The following MAGI3 variants were observed in gnomAD, a reference collection of about 807,000 sequenced individuals.
The protein encoded by MAGI3 is membrane associated guanylate kinase, WW and PDZ domain containing 3.
A neutral mutation model predicts 121.8 loss-of-function variants in MAGI3; 43 were observed. That is an observed-to-expected ratio of 0.35 (90% CI 0.28 to 0.46). The LOEUF (loss-of-function observed/expected upper bound fraction) is 0.46, where lower values mean the gene tolerates loss of function less well. MAGI3 is among the 20% of genes least tolerant of loss of function. The pLI is 1.00. For missense variants in MAGI3, 1,547 were observed against 1,797.3 expected (o/e 0.86, Z 2.52); for synonymous variants, 553 against 639.3 (o/e 0.86, Z 2.04).
chr1:113,549,713 G>C (rs749994203), intron 2 of MAGI3, 82 bp downstream of exon 2: 14 of 660,318 alleles, frequency 2.1e-5, no homozygotes, highest in Non-Finnish European at 3.2e-5. Context: ...GTTTGATGGA[G>C]TATTTCACAT....
intron 1 of MAGI3, among the ~76,000 whole-genome samples, chr1:113,437,757 A>C (rs1164056349): frequency 4.8e-4 from 52 of 108,854 alleles, no homozygotes; most frequent in South Asian, 3.1e-4. Context: ...CTTCTTCTTC[A>C]TTTTTCTTTC....
At chr1:113,567,184 A>T (rs1267296598) in intron 2 of MAGI3, among the ~76,000 whole-genome samples, 2 of 152,074 alleles carry the variant, frequency 1.3e-5, no homozygotes, top group Non-Finnish European at 1.5e-5. Context: ...TGGATGATCT[A>T]GAAGAAATGG....
chr1:113,561,688 C>CAAAAG (rs1172707394), intron 2 of MAGI3, among the ~76,000 whole-genome samples: 3 of 152,146 alleles, frequency 2.0e-5, no homozygotes, highest in Non-Finnish European at 2.9e-5. Context: ...GAACCATTCC[C>CAAAAG]CTTGAAAACC....
At position 113,552,636 on chromosome 1, in the gene MAGI3, C is replaced by T. The variant is rs555790884; in HGVS notation, c.433+3005C>T. Among the ~76,000 whole-genome samples, 5 of 152,070 alleles carry T rather than the reference C, an allele frequency of 3.3e-5. No individual in the cohort carries two copies. In the South Asian group the frequency reaches 8.3e-4, roughly 25 times the overall value. On this transcript the variant is annotated intron_variant, in intron 2 of 20. Transcript: ENST00000307546. Reference sequence around the variant, plus strand: ...AAGTTTTTCTTTTAATTTTATTGTTCCAGTTTTGCAGTTTCCTCAGTGTGA... The same window carrying T: ...AAGTTTTTCTTTTAATTTTATTGTTTCAGTTTTGCAGTTTCCTCAGTGTGA...
At position 113,414,887 on chromosome 1, in the gene MAGI3, T is replaced by G. The variant is rs376584834; in HGVS notation, c.316+23538T>G. ...TAAAGCAGATTTAAATAAATGATGCTTATGTGTAAGACACTGCTGGATATT... is the reference window on the plus strand; with the variant it reads ...TAAAGCAGATTTAAATAAATGATGCGTATGTGTAAGACACTGCTGGATATT... On this transcript the variant is annotated intron_variant, in intron 1 of 20. Coordinates refer to ENST00000307546, the MANE Select transcript of MAGI3 (RefSeq NM_001142782.2). Among the ~76,000 whole-genome samples, 4 of 152,238 alleles carry G rather than the reference T, an allele frequency of 2.6e-5. No homozygotes were observed. The East Asian group carries it at 5.8e-4, about 22-fold the overall frequency.
At chr1:113,550,254 CAA>C (rs200738964) in intron 2 of MAGI3, among the ~76,000 whole-genome samples, 1 of 136,922 alleles carries the variant, frequency 7.3e-6, no homozygotes, top group Non-Finnish European at 1.6e-5. Flanking sequence ...ACTAAAAATA[CAA>C]AAAAAAAAAA....
chr1:113,651,309 C>T (rs1209555446), intron 14 of MAGI3, 103 bp downstream of exon 14: 2 of 1,077,262 alleles, frequency 1.9e-6, no homozygotes, highest in Non-Finnish European at 2.6e-6. Context: ...TCAGTAGTAT[C>T]TAAGATAACC....
At chr1:113,486,363 T>C (rs566200250) in intron 1 of MAGI3, among the ~76,000 whole-genome samples, 1 of 152,316 alleles carries the variant, frequency 6.6e-6, no homozygotes, top group East Asian at 1.9e-4. Context: ...TTTCCATTTG[T>C]TTTTGTCATC....
intron 5 of MAGI3, among the ~76,000 whole-genome samples, chr1:113,593,182 A>G (rs1019154690): frequency 6.6e-6 from 1 of 152,240 alleles, no homozygotes; most frequent in Non-Finnish European, 1.5e-5. Flanking sequence ...TGGTCAAGGT[A>G]CAGATTAGTG....
chr1:113,509,219 A>G (rs1237950915), intron 1 of MAGI3, among the ~76,000 whole-genome samples: 1 of 152,110 alleles, frequency 6.6e-6, no homozygotes. Context: ...TTTATTGTTT[A>G]AAAAAACCCC....
At chr1:113,519,894 C>A (rs1022574054) in intron 1 of MAGI3, among the ~76,000 whole-genome samples, 3 of 152,200 alleles carry the variant, frequency 2.0e-5, no homozygotes, top group Non-Finnish European at 2.9e-5. Flanking sequence ...AGGAACTCTC[C>A]CAAAATCCAG....
At chr1:113,575,332 A>G (rs1647558260) in intron 2 of MAGI3, among the ~76,000 whole-genome samples, 1 of 152,074 alleles carries the variant, frequency 6.6e-6, no homozygotes, top group South Asian at 2.1e-4. Flanking sequence ...GGATTTATCT[A>G]CCTTTGATCT....
intron 1 of MAGI3, among the ~76,000 whole-genome samples, chr1:113,524,994 C>T (rs544819241): frequency 6.6e-6 from 1 of 152,022 alleles, no homozygotes; most frequent in Non-Finnish European, 1.5e-5. Flanking sequence ...TTATGAGATC[C>T]GATGGTTTTA....
intron 1 of MAGI3, among the ~76,000 whole-genome samples, chr1:113,527,065 A>G (rs1005800845): frequency 6.6e-6 from 1 of 152,202 alleles, no homozygotes; most frequent in Non-Finnish European, 1.5e-5. Flanking sequence ...AATTTAGAAC[A>G]GGTGCCAGGT....
chr1:113,447,869 G>A (rs973213847), intron 1 of MAGI3, among the ~76,000 whole-genome samples: 2 of 151,174 alleles, frequency 1.3e-5, no homozygotes, highest in Middle Eastern at 3.4e-3. Context: ...AAAAAAAATT[G>A]TGCAACTATC....
chr1:113,417,038 A>T (rs565829785), intron 1 of MAGI3, among the ~76,000 whole-genome samples: 7 of 152,116 alleles, frequency 4.6e-5, no homozygotes, highest in Admixed American at 2.0e-4. Flanking sequence ...AAAAACTTTT[A>T]TTTTAAAATT....
At chr1:113,550,236 C>T (rs983310860) in intron 2 of MAGI3, among the ~76,000 whole-genome samples, 10 of 150,054 alleles carry the variant, frequency 6.7e-5, no homozygotes, top group South Asian at 4.2e-4. Flanking sequence ...CGGTGAAACC[C>T]CGTCTCTACT....
chr1:113,535,428 G>A (rs76658509), intron 1 of MAGI3, among the ~76,000 whole-genome samples: 10,172 of 151,724 alleles, frequency 0.067, 373 homozygotes, highest in African/African-American at 0.075. Context: ...TACCAATTTT[G>A]TAAATATTGT....
chr1:113,416,414 T>C (rs1241912414), intron 1 of MAGI3, among the ~76,000 whole-genome samples: 11 of 110,642 alleles, frequency 9.9e-5, no homozygotes, highest in Non-Finnish European at 1.4e-4. Flanking sequence ...AATTAATAAT[T>C]AATAATTAAT....
Sources: allele counts gnomAD v4.1 joint callset (sites outside exome capture counted in the v4.1 genomes callset), GRCh38; gene constraint gnomAD v4.1.1; transcripts MANE v1.5; gene names NCBI Gene and HGNC (gene_info 2026-07-23, HGNC 2026-07-21).